The following TMEM163 variants were observed in gnomAD, a reference collection of about 807,000 sequenced individuals.
TMEM163 encodes the protein transmembrane protein 163.
A neutral mutation model predicts 29.3 loss-of-function variants in TMEM163; 17 were observed. That is an observed-to-expected ratio of 0.58 (90% CI 0.40 to 0.87). TMEM163 has a LOEUF of 0.87. Among genes scored for constraint, TMEM163 ranks in the 40% least tolerant of loss-of-function variants. The pLI is 0.00. For synonymous variants in TMEM163, 157 were observed against 160.6 expected (o/e 0.98, Z 0.17); for missense variants, 303 against 381.5 (o/e 0.79, Z 1.71).
chr2:134,475,526 T>C (rs941541966), intron 5 of TMEM163, among the ~76,000 whole-genome samples: 3 of 152,124 alleles, frequency 2.0e-5, no homozygotes, highest in African/African-American at 7.2e-5. Context: ...CTTTTGCTCC[T>C]TGAAAGACTA....
intron 2 of TMEM163, among the ~76,000 whole-genome samples, chr2:134,602,438 C>T (rs1277238650): frequency 6.6e-6 from 1 of 152,118 alleles, no homozygotes; most frequent in Non-Finnish European, 1.5e-5. Flanking sequence ...CCCAAGTCAC[C>T]GCTTGGAGGA....
chr2:134,540,547 G>A lies in TMEM163; in HGVS notation c.458+10023C>T, dbSNP rs1208390027. On this transcript the variant is annotated intron_variant, in intron 4 of 7. Transcript: ENST00000281924. ...GAAGATGCATTTCCAGGAGGAAGGAGAGGGAAGGTGGAATGTCACACTGGT... is the reference window on the plus strand; with the variant it reads ...GAAGATGCATTTCCAGGAGGAAGGAAAGGGAAGGTGGAATGTCACACTGGT... 2.0e-5 allele frequency among the ~76,000 whole-genome samples: 3 copies of A among 152,250 alleles called. No individual in the cohort carries two copies. The East Asian group carries it at 5.8e-4, about 29-fold the overall frequency.
At chr2:134,646,106 A>G (rs1158752193) in intron 2 of TMEM163, among the ~76,000 whole-genome samples, 1 of 142,362 alleles carries the variant, frequency 7.0e-6, no homozygotes, top group African/African-American at 2.6e-5. Flanking sequence ...TTTTTTTTTT[A>G]GACAGTCTCA....
At chr2:134,640,111 G>A (rs921132773) in intron 2 of TMEM163, among the ~76,000 whole-genome samples, 15 of 152,096 alleles carry the variant, frequency 9.9e-5, no homozygotes, top group African/African-American at 3.6e-4. Flanking sequence ...CTTGGGAAAA[G>A]GTTAAAACTC....
intron 2 of TMEM163, among the ~76,000 whole-genome samples, chr2:134,648,304 C>CCTCTTCTCTTCTCTTCTCTT (rs60230448): frequency 0.34 from 48,629 of 143,026 alleles, 9,979 homozygotes; most frequent in Non-Finnish European, 0.46. Context: ...CACTGCTTCT[C>CCTCTTCTCTTCTCTTCTCTT]CTCTTCTCTT....
chr2:134,666,309 A>G (rs1445996916), intron 2 of TMEM163, among the ~76,000 whole-genome samples: 1 of 140,888 alleles, frequency 7.1e-6, no homozygotes, highest in Non-Finnish European at 1.5e-5. Flanking sequence ...GCTCCCTGGC[A>G]CAGCCTAGAA....
In TMEM163 at chr2:134,676,799, T is replaced by C. The variant is rs375864536; in HGVS notation, c.322+36401A>G. Among the ~76,000 whole-genome samples, 17 of 152,264 alleles carry C rather than the reference T, an allele frequency of 1.1e-4. 1 individual carries two copies. In the East Asian group the frequency reaches 2.9e-3, roughly 26 times the overall value. Reference sequence around the variant, plus strand: ...TAAATGGAATCAATATCATACAATATCATACATATACATCTAAACATAAAA... The same window carrying C: ...TAAATGGAATCAATATCATACAATACCATACATATACATCTAAACATAAAA... On this transcript the variant is annotated intron_variant, in intron 2 of 7. Transcript: ENST00000281924.
chr2:134,525,757 T>C, intron 4 of TMEM163, among the ~76,000 whole-genome samples: 1 of 152,176 alleles, frequency 6.6e-6, no homozygotes, highest in East Asian at 1.9e-4. Context: ...GGGCATTCCC[T>C]TCAGACAGCC....
chr2:134,642,425 C>G (rs188176956), intron 2 of TMEM163, among the ~76,000 whole-genome samples: 27 of 152,124 alleles, frequency 1.8e-4, no homozygotes, highest in Non-Finnish European at 3.5e-4. Flanking sequence ...CCACCGCGAA[C>G]GGCCACCAAT....
At chr2:134,680,326 A>T (rs1684202342) in intron 2 of TMEM163, among the ~76,000 whole-genome samples, 2 of 151,990 alleles carry the variant, frequency 1.3e-5, no homozygotes, top group South Asian at 4.2e-4. Context: ...AAAGACTAAA[A>T]TCAAAGAAAG....
At chr2:134,590,140 A>G (rs1203165925) in intron 2 of TMEM163, among the ~76,000 whole-genome samples, 3 of 151,544 alleles carry the variant, frequency 2.0e-5, no homozygotes, top group East Asian at 3.9e-4. Flanking sequence ...TTTTTCTATA[A>G]GAGTCATTGA....
intron 4 of TMEM163, among the ~76,000 whole-genome samples, chr2:134,525,176 A>G (rs1558933552): frequency 6.6e-6 from 1 of 152,312 alleles, no homozygotes; most frequent in East Asian, 1.9e-4. Flanking sequence ...CTTCAAAAGG[A>G]TAAATTAGTG....
chr2:134,495,853 T>C (rs987353815), intron 5 of TMEM163, among the ~76,000 whole-genome samples: 1 of 152,174 alleles, frequency 6.6e-6, no homozygotes, highest in Non-Finnish European at 1.5e-5. Context: ...AAAAAAGTAA[T>C]TTAAAGTAAC....
At chr2:134,567,691 CAAATAAT>C (rs777651295) in intron 2 of TMEM163, among the ~76,000 whole-genome samples, 2 of 152,160 alleles carry the variant, frequency 1.3e-5, no homozygotes, top group Non-Finnish European at 2.9e-5. Flanking sequence ...AACTCCATCT[CAAATAAT>C]AAATAATAAT....
At position 134,669,759 on chromosome 2, in the gene TMEM163, CAT is replaced by C. The variant is rs529809846; in HGVS notation, c.322+43439_322+43440del. Among the ~76,000 whole-genome samples the C allele has an allele frequency of 1.6e-4, 25 of 152,316 alleles. No individual in the cohort carries two copies. In the East Asian group the frequency reaches 4.6e-3, roughly 28 times the overall value. On this transcript the variant is annotated intron_variant, in intron 2 of 7. Transcript: ENST00000281924. ...GCTTCCACCTGGTTGGCTCTTGGGA[CAT>C]GTGCCTTTAGAGCCCAGAGCCATCA...
chr2:134,645,477 C>CA (rs2104843171), intron 2 of TMEM163, among the ~76,000 whole-genome samples: 1 of 152,066 alleles, frequency 6.6e-6, no homozygotes, highest in East Asian at 1.9e-4. Context: ...ACATCTGGTC[C>CA]AAAAAAGAGA....
chr2:134,581,309 T>A, intron 2 of TMEM163, among the ~76,000 whole-genome samples: 1 of 151,240 alleles, frequency 6.6e-6, no homozygotes, highest in Non-Finnish European at 1.5e-5. Context: ...GGCCAACTAA[T>A]TTTTTTTTAA....
chr2:134,611,851 G>A (rs1682510526), intron 2 of TMEM163, among the ~76,000 whole-genome samples: 1 of 152,138 alleles, frequency 6.6e-6, no homozygotes, highest in Non-Finnish European at 1.5e-5. Context: ...CATGTTGGGG[G>A]AAACAGGCAA....
At chr2:134,604,543 C>G (rs555650292) in intron 2 of TMEM163, among the ~76,000 whole-genome samples, 147 of 151,170 alleles carry the variant, frequency 9.7e-4, no homozygotes, top group African/African-American at 3.5e-3. Context: ...AAACTGGTAA[C>G]AGCTGAAGTT....
Sources: allele counts gnomAD v4.1 joint callset (sites outside exome capture counted in the v4.1 genomes callset), GRCh38; gene constraint gnomAD v4.1.1; transcripts MANE v1.5; gene names NCBI Gene and HGNC (gene_info 2026-07-23, HGNC 2026-07-21).